Variants in SIPA1L1 observed in about 807,000 individuals in gnomAD.
The protein encoded by SIPA1L1 is signal-induced proliferation-associated 1-like protein 1.
In SIPA1L1, 26 loss-of-function variants were observed where a neutral mutation model predicts 162.7. The ratio of observed to expected loss-of-function variants is 0.16; its 90% CI spans 0.12 to 0.22. The LOEUF (loss-of-function observed/expected upper bound fraction) is 0.22. SIPA1L1 is among the 10% of genes least tolerant of loss of function. The pLI is 1.00. For missense variants in SIPA1L1, 1,874 were observed against 2,241.0 expected (o/e 0.84, Z 3.31); for synonymous variants, 829 against 837.4 (o/e 0.99, Z 0.17).
At chr14:71,505,546 T>C (rs1450119173) in intron 2 of SIPA1L1, among the ~76,000 whole-genome samples, 2 of 152,064 alleles carry the variant, frequency 1.3e-5, no homozygotes, top group Non-Finnish European at 2.9e-5. Flanking sequence ...AATAAAATGC[T>C]CCATAAATGT....
intron 2 of SIPA1L1, among the ~76,000 whole-genome samples, chr14:71,354,582 C>T (rs1272707334): frequency 6.7e-6 from 1 of 150,052 alleles, no homozygotes; most frequent in East Asian, 2.0e-4. Context: ...TGGCCCGATA[C>T]TTCATTTCTT....
chr14:71,387,298 TA>T (rs1195683890), intron 2 of SIPA1L1, among the ~76,000 whole-genome samples: 1 of 147,576 alleles, frequency 6.8e-6, no homozygotes, highest in Non-Finnish European at 1.5e-5. Context: ...TAAATATTGT[TA>T]ATACAGAACT....
At chr14:71,403,966 C>T (rs1279679002) in intron 2 of SIPA1L1, among the ~76,000 whole-genome samples, 3 of 150,770 alleles carry the variant, frequency 2.0e-5, no homozygotes, top group East Asian at 2.0e-4. Context: ...CCCTTGACTG[C>T]ACACACACAC....
intron 12 of SIPA1L1, among the ~76,000 whole-genome samples, chr14:71,675,057 CTTTA>C (rs1274216166): frequency 6.6e-6 from 1 of 152,152 alleles, no homozygotes; most frequent in Non-Finnish European, 1.5e-5. Context: ...GTGAAGAAAA[CTTTA>C]TTTGTAGTAT....
intron 2 of SIPA1L1, among the ~76,000 whole-genome samples, chr14:71,487,257 G>A (rs1162826272): frequency 6.6e-6 from 1 of 152,118 alleles, no homozygotes; most frequent in Non-Finnish European, 1.5e-5. Flanking sequence ...TGGCTCAGGT[G>A]CTCCTGGCTG....
At chr14:71,397,362 G>A (rs2041286062) in intron 2 of SIPA1L1, among the ~76,000 whole-genome samples, 1 of 151,968 alleles carries the variant, frequency 6.6e-6, no homozygotes, top group Admixed American at 6.6e-5. Context: ...TCCCAGTCAT[G>A]TCTCACCTAA....
At chr14:71,661,221 A>G in intron 9 of SIPA1L1, 89 bp from the exon 10 acceptor site, 1 of 1,363,440 alleles carries the variant, frequency 7.3e-7, no homozygotes, top group Admixed American at 1.9e-5. Context: ...TTAGGAATGG[A>G]TGTTTTAAAT....
chr14:71,597,736 T>A lies in SIPA1L1; in HGVS notation c.1498+8366T>A, dbSNP rs117626643. ...ATACACTGGAATAGGTTACTCTTCC[T>A]TTCCTCTCTTGCCTACCTGACAGGC... On this transcript the variant is annotated intron_variant, in intron 5 of 23. Coordinates refer to ENST00000381232, the MANE Select transcript of SIPA1L1 (RefSeq NM_001386936.1). Among the ~76,000 whole-genome samples the A allele has an allele frequency of 8.8e-3, 1,333 of 152,316 alleles. 12 individuals carry two copies. The highest frequency in any genetic ancestry group is 0.035 in the South Asian group (168 of 4,828).
At chr14:71,463,232 T>A (rs567780612) in intron 2 of SIPA1L1, among the ~76,000 whole-genome samples, 51 of 152,290 alleles carry the variant, frequency 3.3e-4, no homozygotes, top group African/African-American at 1.2e-3. Flanking sequence ...ATTTGGACTT[T>A]CCCTCCATAA....
chr14:71,500,420 C>T (rs538061607), intron 2 of SIPA1L1, among the ~76,000 whole-genome samples: 5 of 152,198 alleles, frequency 3.3e-5, no homozygotes, highest in Non-Finnish European at 5.9e-5. Context: ...ATGGTGGAAG[C>T]GCAAATTAAA....
At chr14:71,462,870 C>A (rs1246393502) in intron 2 of SIPA1L1, among the ~76,000 whole-genome samples, 2 of 152,202 alleles carry the variant, frequency 1.3e-5, no homozygotes, top group Non-Finnish European at 2.9e-5. Flanking sequence ...ATATTGCTGG[C>A]CTTGCCAGCT....
intron 2 of SIPA1L1, among the ~76,000 whole-genome samples, chr14:71,353,133 G>A (rs2036886007): frequency 6.6e-6 from 1 of 152,252 alleles, no homozygotes; most frequent in East Asian, 1.9e-4. Flanking sequence ...ATTCATTATT[G>A]ATTTATAGAA....
chr14:71,420,405 A>ATC (rs1179640905), intron 2 of SIPA1L1, among the ~76,000 whole-genome samples: 1 of 152,214 alleles, frequency 6.6e-6, no homozygotes, highest in African/African-American at 2.4e-5. Flanking sequence ...CTGTCTGCCT[A>ATC]TCTACCCATC....
chr14:71,391,038 A>G (rs529432976), intron 2 of SIPA1L1, among the ~76,000 whole-genome samples: 2 of 152,018 alleles, frequency 1.3e-5, no homozygotes, highest in South Asian at 2.1e-4. Context: ...TCACAGGACA[A>G]TGACAGTGGA....
chr14:71,589,010 G>C lies in SIPA1L1; in HGVS notation c.1138G>C (p.Ala380Pro). ...SLVSGPLSHS[A>P]SFSSPMGSTE... ...GGTCTCTGGACCTCTGTCTCATTCA[G>C]CCAGTTTTAGCTCCCCAATGGGCAG... Residue 380 changes from alanine (A) to proline (P), a missense_variant, in exon 5 of 24, where the codon GCC becomes CCC. Physicochemically the swap from Ala to Pro is conservative, Grantham distance 27 (BLOSUM62 -1). Around this residue, in one of 5 missense-constraint regions of SIPA1L1, gnomAD observed 685 missense variants for 828.0 expected, o/e 0.83. Coordinates refer to ENST00000381232, the MANE Select transcript of SIPA1L1 (RefSeq NM_001386936.1). The C allele has an allele frequency of 1.2e-6, 2 of 1,614,054 alleles. No individual in the cohort carries two copies. Among genetic ancestry groups the C allele is most frequent in the Non-Finnish European group, 1.7e-6 (2 of 1,179,968 alleles).
intron 2 of SIPA1L1, chr14:71,398,315 T>C (rs1407734616): frequency 1.3e-5 from 2 of 152,236 alleles, no homozygotes; most frequent in Non-Finnish European, 2.9e-5. Context: ...GAACTATTTT[T>C]GTGCATAAAA....
chr14:71,532,433 A>G (rs997789748), intron 4 of SIPA1L1, among the ~76,000 whole-genome samples: 2 of 152,222 alleles, frequency 1.3e-5, no homozygotes, highest in Non-Finnish European at 2.9e-5. Flanking sequence ...AGTGGTACAA[A>G]AACTTGGCTT....
At chr14:71,423,846 A>C (rs906835358) in intron 2 of SIPA1L1, among the ~76,000 whole-genome samples, 3 of 152,130 alleles carry the variant, frequency 2.0e-5, no homozygotes, top group Admixed American at 6.5e-5. Flanking sequence ...ATGCAAACAT[A>C]TCATTGGGAT....
rs554647075 is a variant in SIPA1L1 at position 71,558,225 on chromosome 14, A to G, written c.-303+28855A>G. Among the ~76,000 whole-genome samples, 8 of 152,302 alleles carry G rather than the reference A, an allele frequency of 5.3e-5. No individual in the cohort carries two copies. The South Asian group carries it at 1.2e-3, about 24-fold the overall frequency. On this transcript the variant is annotated intron_variant, in intron 4 of 23. Coordinates refer to ENST00000381232, the MANE Select transcript of SIPA1L1 (RefSeq NM_001386936.1). The stretch of plus-strand genomic sequence containing the variant: ...AATAATGGATATTTGTTGAGTGAAT[A>G]TCAGGGCACGGACTTAAAATTATAG...
Sources: allele counts gnomAD v4.1 joint callset (sites outside exome capture counted in the v4.1 genomes callset), GRCh38; gene constraint gnomAD v4.1.1; regional missense constraint gnomAD v4.1.1; transcripts MANE v1.5; gene names NCBI Gene and HGNC (gene_info 2026-07-23, HGNC 2026-07-21).